The following TXNRD1 variants were observed in gnomAD, a reference collection of about 807,000 sequenced individuals.
TXNRD1 encodes the protein thioredoxin reductase 1, cytoplasmic.
In TXNRD1, 57 loss-of-function variants were observed where a neutral mutation model predicts 80.3. That is an observed-to-expected ratio of 0.71 (90% CI 0.57 to 0.89). The LOEUF (loss-of-function observed/expected upper bound fraction) is 0.89, where lower values mean the gene tolerates loss of function less well. Ranked by LOEUF, TXNRD1 falls within the 40% of genes least tolerant of loss-of-function variation. The pLI is 0.00. For synonymous variants in TXNRD1, 291 were observed against 285.2 expected, an observed-to-expected ratio of 1.02 and a Z score of -0.20; for missense variants, 730 against 803.0, an observed-to-expected ratio of 0.91 and a Z score of 1.10.
intron 4 of TXNRD1, among the ~76,000 whole-genome samples, chr12:104,293,186 TTGG>T (rs1174116942): frequency 6.6e-6 from 1 of 152,184 alleles, no homozygotes; most frequent in African/African-American, 2.4e-5. Flanking sequence ...GAGAGGCCTA[TTGG>T]TGGTACTGAG....
intron 4 of TXNRD1, chr12:104,304,039 G>A: frequency 1.9e-6 from 3 of 1,613,568 alleles, no homozygotes; most frequent in Middle Eastern, 1.7e-4. Flanking sequence ...CTGACGAGGA[G>A]AAGTGCCGCA....
chr12:104,303,084 C>G (rs2034705507), intron 4 of TXNRD1, among the ~76,000 whole-genome samples: 1 of 152,144 alleles, frequency 6.6e-6, no homozygotes, highest in Admixed American at 6.5e-5. Flanking sequence ...TCTACCCATT[C>G]TATTCTTCCA....
chr12:104,317,462 T>G (rs2035371120), intron 7 of TXNRD1, among the ~76,000 whole-genome samples: 1 of 151,878 alleles, frequency 6.6e-6, no homozygotes, highest in Admixed American at 6.6e-5. Context: ...ATGATCTATC[T>G]GTTCTCTTAG....
At chr12:104,274,093 A>T (rs547903215) in intron 3 of TXNRD1, among the ~76,000 whole-genome samples, 309 of 152,192 alleles carry the variant, frequency 2.0e-3, no homozygotes, top group African/African-American at 7.2e-3. Flanking sequence ...CAAAAAATCT[A>T]TAGATAAAGG....
At chr12:104,316,113 G>T (rs10861198) in intron 7 of TXNRD1, among the ~76,000 whole-genome samples, 73,814 of 152,018 alleles carry the variant, frequency 0.49, 18,416 homozygotes, top group East Asian at 0.62. Context: ...TGGTATTTCT[G>T]TAATATAAAA....
intron 3 of TXNRD1, among the ~76,000 whole-genome samples, chr12:104,259,490 C>CTTTTT (rs574276851): frequency 7.8e-6 from 1 of 128,726 alleles, no homozygotes; most frequent in Non-Finnish European, 1.6e-5. Context: ...AGTTTCATTT[C>CTTTTT]TTTTTTTTTT....
At position 104,311,273 on chromosome 12, in the gene TXNRD1, C is replaced by T. The variant is rs1170229867; in HGVS notation, c.415-17C>T. 1.9e-6 allele frequency: 3 copies of T among 1,559,298 alleles called. No homozygotes were observed. Among genetic ancestry groups the T allele is most frequent in the East Asian group, 4.6e-5 (2 of 43,282 alleles). ...ATTTTAAGTTAAATTATTTTCTCTTCTGTTATTTTTCTTTAGGCTTATCAG... is the reference window on the plus strand; with the variant it reads ...ATTTTAAGTTAAATTATTTTCTCTTTTGTTATTTTTCTTTAGGCTTATCAG... On this transcript the variant is annotated splice_polypyrimidine_tract_variant and intron_variant, in intron 4 of 16. Transcript: ENST00000525566.
chr12:104,319,080 C>CTTTTTTT (rs369071091), intron 8 of TXNRD1, 25 bp downstream of exon 8: 19 of 1,212,108 alleles, frequency 1.6e-5, no homozygotes, highest in Non-Finnish European at 2.0e-5. Flanking sequence ...TCCTGACTAG[C>CTTTTTTT]TTTTTTTTTT....
At chr12:104,336,596 T>C (rs2036147960) in intron 15 of TXNRD1, among the ~76,000 whole-genome samples, 1 of 152,228 alleles carries the variant, frequency 6.6e-6, no homozygotes. Flanking sequence ...ATAATAAAGA[T>C]GAAGAAGGTA....
At chr12:104,337,919 TG>T in intron 15 of TXNRD1, among the ~76,000 whole-genome samples, 1 of 150,438 alleles carries the variant, frequency 6.6e-6, no homozygotes, top group Non-Finnish European at 1.5e-5. Context: ...CCCAAGTAGC[TG>T]GGACTACAGA....
At chr12:104,308,467 A>T (rs987443541) in intron 4 of TXNRD1, among the ~76,000 whole-genome samples, 2 of 152,308 alleles carry the variant, frequency 1.3e-5, no homozygotes, top group East Asian at 1.9e-4. Flanking sequence ...TAATTAAAAA[A>T]TTTTTTAAAA....
rs190317946 is a variant in TXNRD1, at chr12:104,253,725, G to A, written c.243+2047G>A. Among the ~76,000 whole-genome samples the A allele has an allele frequency of 9.9e-3, 1,506 of 152,040 alleles. 18 individuals carry two copies. Among genetic ancestry groups the A allele is most frequent in the Non-Finnish European group, 0.017 (1,180 of 67,982 alleles). On this transcript the variant is annotated intron_variant, in intron 2 of 16. Transcript: ENST00000525566. Reference sequence around the variant, plus strand: ...GTTTTTGTTTTTGAGACAGAGTCTCGCTCTGTTGCCCAGGCTGGAGTGCAG... The same window carrying A: ...GTTTTTGTTTTTGAGACAGAGTCTCACTCTGTTGCCCAGGCTGGAGTGCAG...
At chr12:104,310,434 C>A (rs2035094125) in intron 4 of TXNRD1, among the ~76,000 whole-genome samples, 1 of 152,186 alleles carries the variant, frequency 6.6e-6, no homozygotes, top group African/African-American at 2.4e-5. Flanking sequence ...CAGGCGTGAG[C>A]CACTGTGCCT....
chr12:104,267,681 CT>C (rs1219175268), intron 3 of TXNRD1, among the ~76,000 whole-genome samples: 2 of 46,732 alleles, frequency 4.3e-5, no homozygotes, highest in African/African-American at 1.3e-4. Context: ...TTCTTTCTTT[CT>C]TTCTTTCTTT....
At chr12:104,228,896 T>A (rs1185869222) in intron 1 of TXNRD1, among the ~76,000 whole-genome samples, 1 of 151,022 alleles carries the variant, frequency 6.6e-6, no homozygotes, top group Non-Finnish European at 1.5e-5. Flanking sequence ...ATTTTTGGTA[T>A]TTTTAGTAGA....
chr12:104,303,588 T>C (rs950707936), intron 4 of TXNRD1, among the ~76,000 whole-genome samples: 1 of 152,244 alleles, frequency 6.6e-6, no homozygotes, highest in African/African-American at 2.4e-5. Flanking sequence ...TAGTCGCGTG[T>C]GAGGTCAGGG....
chr12:104,276,164 A>C (rs1486155619), intron 3 of TXNRD1, among the ~76,000 whole-genome samples: 1 of 152,240 alleles, frequency 6.6e-6, no homozygotes, highest in Non-Finnish European at 1.5e-5. Context: ...AACGGCCCTG[A>C]ATACAAGATA....
chr12:104,276,784 C>T (rs2033766659), intron 3 of TXNRD1: 1 of 152,174 alleles, frequency 6.6e-6, no homozygotes. Flanking sequence ...TTGGGACAGT[C>T]ACTTAAACTT....
chr12:104,247,882 C>T (rs2033026244), intron 1 of TXNRD1, among the ~76,000 whole-genome samples: 1 of 152,156 alleles, frequency 6.6e-6, no homozygotes, highest in Non-Finnish European at 1.5e-5. Flanking sequence ...AATCAGGAGG[C>T]TTGTGTGACA....
Sources: allele counts gnomAD v4.1 joint callset (sites outside exome capture counted in the v4.1 genomes callset), GRCh38; gene constraint gnomAD v4.1.1; transcripts MANE v1.5; gene names NCBI Gene and HGNC (gene_info 2026-07-23, HGNC 2026-07-21).